SND1: variants seen among roughly 807,000 people sequenced by gnomAD.
The protein encoded by SND1 is staphylococcal nuclease domain-containing protein 1.
A neutral mutation model predicts 121.7 loss-of-function variants in SND1; 38 were observed. That is an observed-to-expected ratio of 0.31 (90% CI 0.24 to 0.41). The LOEUF is 0.41. SND1 is among the 10% of genes least tolerant of loss of function. The pLI, the probability that SND1 is intolerant of heterozygous loss-of-function variation, is 1.00. For missense variants in SND1, 868 were observed against 1,184.6 expected, an observed-to-expected ratio of 0.73 and a Z score of 3.92; for synonymous variants, 401 against 447.4, an observed-to-expected ratio of 0.90 and a Z score of 1.31.
chr7:128,015,864 A>G lies in SND1; in HGVS notation c.1779+24808A>G, dbSNP rs1198798469. Among the ~76,000 whole-genome samples the G allele has an allele frequency of 3.3e-5, 5 of 152,200 alleles. No homozygotes were observed. Among genetic ancestry groups the G allele is most frequent in the Non-Finnish European group, 7.3e-5 (5 of 68,040 alleles). On this transcript the variant is annotated intron_variant, in intron 16 of 23. Coordinates refer to ENST00000354725, the MANE Select transcript of SND1 (RefSeq NM_014390.4). The surrounding 1 kb of genome is among the most constrained non-coding windows in gnomAD (Gnocchi z 4.5). The stretch of plus-strand genomic sequence containing the variant: ...TAGCCATCCACTCTGGCAGCAGCCT[A>G]TCGAAGGGAGAGAATCCTGGGGCAG...
chr7:127,660,768 G>A (rs1313084978), intron 1 of SND1, among the ~76,000 whole-genome samples: 6 of 152,032 alleles, frequency 3.9e-5, no homozygotes, highest in African/African-American at 1.4e-4. Flanking sequence ...CTTTACTTTT[G>A]AGTTTATTTT....
intron 16 of SND1, among the ~76,000 whole-genome samples, chr7:128,055,845 A>G (rs2117027372): frequency 6.6e-6 from 1 of 152,258 alleles, no homozygotes; most frequent in African/African-American, 2.4e-5. Flanking sequence ...TCGCTGGGCC[A>G]GAGCCTCTAC....
chr7:127,828,951 A>T (rs190050505), intron 11 of SND1, among the ~76,000 whole-genome samples: 1 of 152,074 alleles, frequency 6.6e-6, no homozygotes, highest in African/African-American at 2.4e-5. Context: ...TTTCCACCTG[A>T]CCTCTTAGAG....
At chr7:127,706,262 C>CG (rs397789823) in intron 8 of SND1, among the ~76,000 whole-genome samples, 5 of 72,300 alleles carry the variant, frequency 6.9e-5, no homozygotes, top group Middle Eastern at 5.4e-3. Context: ...TCCCCCCCCC[C>CG]ACCTTTTTTT....
At chr7:127,858,410 G>A in intron 12 of SND1, 1 of 1,075,084 alleles carries the variant, frequency 9.3e-7, no homozygotes, top group Non-Finnish European at 1.4e-6. Context: ...CTCCAAGAAG[G>A]CTTGGGCACT....
chr7:127,711,042 T>G (rs1796288952), intron 9 of SND1, among the ~76,000 whole-genome samples: 1 of 152,242 alleles, frequency 6.6e-6, no homozygotes, highest in African/African-American at 2.4e-5. Context: ...AAACTCTGTC[T>G]AAATCTCCTC....
At chr7:128,049,259 A>G (rs1793004619) in intron 16 of SND1, among the ~76,000 whole-genome samples, 1 of 152,134 alleles carries the variant, frequency 6.6e-6, no homozygotes, top group Non-Finnish European at 1.5e-5. Flanking sequence ...GGGGGACTTG[A>G]TCCACTCTGT....
At chr7:127,896,367 T>A (rs781065331) in intron 13 of SND1, among the ~76,000 whole-genome samples, 12 of 152,272 alleles carry the variant, frequency 7.9e-5, no homozygotes, top group Middle Eastern at 3.4e-3. Flanking sequence ...TATAAAGTGA[T>A]AACACTTGAC....
intron 16 of SND1, among the ~76,000 whole-genome samples, chr7:128,006,390 G>T (rs1802977223): frequency 6.6e-6 from 1 of 152,202 alleles, no homozygotes; most frequent in Non-Finnish European, 1.5e-5. Context: ...TTGGGGAAAG[G>T]TAATGGGGTA....
rs116695258 is a variant in SND1 at position 127,698,598 on chromosome 7, C to G, written c.350-277C>G. Among the ~76,000 whole-genome samples, 369 of 152,226 alleles carry G rather than the reference C, an allele frequency of 2.4e-3. 1 individual carries two copies. Among genetic ancestry groups the G allele is most frequent in the African/African-American group, 8.5e-3 (352 of 41,530 alleles). ...TGTGTCTTGCTTTCTTGTCCGTCTC[C>G]CATGGTTCCTGAGATTGCGTTTGGC... On this transcript the variant is annotated intron_variant, in intron 3 of 23. Transcript: ENST00000354725.
In SND1 at chr7:127,942,218, A is replaced by C. The variant is rs565051578; in HGVS notation, c.1669+12889A>C. Among the ~76,000 whole-genome samples, 4 of 152,260 alleles carry C rather than the reference A, an allele frequency of 2.6e-5. No individual in the cohort carries two copies. The South Asian group carries it at 8.3e-4, about 32-fold the overall frequency. The stretch of plus-strand genomic sequence containing the variant: ...GTTAATTACTTGACACTGCAAGGGG[A>C]AAAAAGGAAATAGTGTATGCCTTCA... On this transcript the variant is annotated intron_variant, in intron 15 of 23. Transcript: ENST00000354725.
chr7:128,076,362 G>A (rs910898697), intron 17 of SND1, among the ~76,000 whole-genome samples: 2 of 152,216 alleles, frequency 1.3e-5, no homozygotes, highest in African/African-American at 4.8e-5. Flanking sequence ...CGGCCTGCGT[G>A]TTTTTATTCC....
chr7:127,865,318 G>T (rs1378571290), intron 12 of SND1, among the ~76,000 whole-genome samples: 4 of 152,192 alleles, frequency 2.6e-5, no homozygotes, highest in Admixed American at 2.6e-4. Flanking sequence ...GGAAGATCAA[G>T]ATTGGAAGTA....
chr7:127,759,623 G>A (rs13244994), intron 10 of SND1, among the ~76,000 whole-genome samples: 55 of 152,288 alleles, frequency 3.6e-4, no homozygotes, highest in Non-Finnish European at 7.2e-4. Context: ...CTACTGGAGT[G>A]TTGCTTGCCC....
chr7:127,816,394 A>G (rs1343395309), intron 11 of SND1, among the ~76,000 whole-genome samples: 1 of 152,230 alleles, frequency 6.6e-6, no homozygotes, highest in Non-Finnish European at 1.5e-5. Context: ...TTCTTCAGTA[A>G]CTATAGGAAT....
At chr7:127,664,460 G>C (rs557384176) in intron 1 of SND1, among the ~76,000 whole-genome samples, 1 of 152,198 alleles carries the variant, frequency 6.6e-6, no homozygotes, top group African/African-American at 2.4e-5. Context: ...GGGGAAAATG[G>C]GGAGGTGCTG....
At chr7:127,661,593 T>G (rs1326736394) in intron 1 of SND1, among the ~76,000 whole-genome samples, 3 of 152,154 alleles carry the variant, frequency 2.0e-5, no homozygotes, top group Non-Finnish European at 2.9e-5. Context: ...TTGTCTAATA[T>G]GGAAGTAAAA....
intron 15 of SND1, among the ~76,000 whole-genome samples, chr7:127,958,875 A>G (rs900766199): frequency 3.3e-5 from 5 of 152,170 alleles, no homozygotes; most frequent in African/African-American, 4.8e-5. Flanking sequence ...TTCTGCACAC[A>G]TAGAAAGTGT....
intron 15 of SND1, among the ~76,000 whole-genome samples, chr7:127,948,398 A>T (rs1281739599): frequency 3.3e-5 from 5 of 152,194 alleles, no homozygotes; most frequent in African/African-American, 1.2e-4. Context: ...TTACATTTTG[A>T]GTTTGAAATC....
Sources: gnomAD v4.1 joint callset for allele counts (sites outside exome capture counted in the v4.1 genomes callset) on GRCh38, gnomAD v4.1.1 for gene constraint, Gnocchi (gnomAD v3.1) non-coding constraint, MANE v1.5 for transcripts, NCBI Gene and HGNC (gene_info 2026-07-23, HGNC 2026-07-21) for gene names.